Variants in ANKS1B observed in about 807,000 individuals in gnomAD.
ANKS1B encodes ankyrin repeat and sterile alpha motif domain containing 1B, also known as ankyrin repeat and sterile alpha motif domain-containing protein 1B.
Under a neutral mutation model 148.3 loss-of-function variants are expected in ANKS1B, and 36 were observed. The ratio of observed to expected loss-of-function variants is 0.24; its 90% CI spans 0.19 to 0.32. The LOEUF is 0.32. ANKS1B is among the 10% of genes least tolerant of loss of function. ANKS1B has a pLI of 1.00. For missense variants in ANKS1B, 1,157 were observed against 1,542.6 expected (o/e 0.75, Z 4.19); for synonymous variants, 542 against 560.8 (o/e 0.97, Z 0.47).
intron 9 of ANKS1B, among the ~76,000 whole-genome samples, chr12:99,571,153 G>C (rs1188395407): frequency 6.6e-6 from 1 of 151,928 alleles, no homozygotes; most frequent in Non-Finnish European, 1.5e-5. Flanking sequence ...ATTTTTAAAA[G>C]CTCAATTTTC....
intron 12 of ANKS1B, among the ~76,000 whole-genome samples, chr12:99,311,907 T>C (rs896811773): frequency 1.3e-5 from 2 of 152,088 alleles, no homozygotes; most frequent in Admixed American, 1.3e-4. Context: ...TCTTGACGGG[T>C]GCAAAATCTT....
chr12:99,761,763 C>A (rs1390573549), intron 8 of ANKS1B, among the ~76,000 whole-genome samples: 1 of 151,974 alleles, frequency 6.6e-6, no homozygotes, highest in African/African-American at 2.4e-5. Context: ...AACTATCTGT[C>A]TTCACTAATG....
intron 2 of ANKS1B, among the ~76,000 whole-genome samples, chr12:99,823,542 G>A (rs2153681357): frequency 6.6e-6 from 1 of 152,262 alleles, no homozygotes; most frequent in South Asian, 2.1e-4. Flanking sequence ...CTGGCCTCAA[G>A]CTATCCACCT....
chr12:99,099,954 C>G (rs908693157), intron 15 of ANKS1B: 3 of 152,152 alleles, frequency 2.0e-5, no homozygotes, highest in African/African-American at 7.2e-5. Flanking sequence ...GATTATGTAG[C>G]TGGCTGCGCT....
intron 15 of ANKS1B, among the ~76,000 whole-genome samples, chr12:99,098,770 AC>A (rs1260231945): frequency 7.2e-6 from 1 of 139,092 alleles, no homozygotes; most frequent in South Asian, 2.3e-4. Flanking sequence ...TCCCCCCCCC[AC>A]CCCCAGCTCT....
Position 99,134,667 on chromosome 12 carries a change from A to T in ANKS1B, c.2526+19622T>A, listed in dbSNP as rs895428321. Among the ~76,000 whole-genome samples, 380 of 148,488 alleles carry T rather than the reference A, an allele frequency of 2.6e-3. 3 individuals are homozygous for T. The highest frequency in any genetic ancestry group is 8.5e-3 in the African/African-American group (343 of 40,146). On this transcript the variant is annotated intron_variant, in intron 15 of 26. Coordinates refer to ENST00000683438, the MANE Select transcript of ANKS1B (RefSeq NM_001352186.2). The stretch of plus-strand genomic sequence containing the variant: ...CTCTCACACACACACACACACACAC[A>T]CACACACACACACACACACACACAC...
intron 10 of ANKS1B, among the ~76,000 whole-genome samples, chr12:99,479,422 T>C (rs1264215154): frequency 1.3e-5 from 2 of 152,030 alleles, no homozygotes; most frequent in Admixed American, 6.6e-5. Context: ...TTATCAACAT[T>C]AATAAAGCTT....
intron 17 of ANKS1B, among the ~76,000 whole-genome samples, chr12:98,913,619 T>C (rs980252577): frequency 1.3e-5 from 2 of 152,040 alleles, no homozygotes; most frequent in African/African-American, 4.8e-5. Flanking sequence ...AAACTGCCAA[T>C]TTCTTCATAT....
intron 14 of ANKS1B, among the ~76,000 whole-genome samples, chr12:99,234,569 C>T (rs1268801122): frequency 6.6e-6 from 1 of 152,154 alleles, no homozygotes; most frequent in Admixed American, 6.6e-5. Flanking sequence ...GTCTGCATCA[C>T]AATAGGACAA....
chr12:99,494,626 G>T (rs71462280), intron 10 of ANKS1B, among the ~76,000 whole-genome samples: 1 of 151,290 alleles, frequency 6.6e-6, no homozygotes, highest in Admixed American at 6.6e-5. Flanking sequence ...CCAGCTACTC[G>T]GGAGGCTGAG....
chr12:99,549,127 A>G (rs754304587), intron 9 of ANKS1B, among the ~76,000 whole-genome samples: 1 of 152,196 alleles, frequency 6.6e-6, no homozygotes. Flanking sequence ...GAAACTCTAG[A>G]TAGGTCATAC....
At chr12:99,784,486 T>A (rs1202279625) in intron 4 of ANKS1B, among the ~76,000 whole-genome samples, 1 of 152,042 alleles carries the variant, frequency 6.6e-6, no homozygotes, top group Non-Finnish European at 1.5e-5. Flanking sequence ...AACACTTTCA[T>A]AATCATTTCA....
chr12:99,377,804 A>G (rs1384764984), intron 12 of ANKS1B, among the ~76,000 whole-genome samples: 1 of 152,188 alleles, frequency 6.6e-6, no homozygotes, highest in Non-Finnish European at 1.5e-5. Context: ...AATATCTCCC[A>G]TCCCATACTT....
At chr12:99,461,068 A>ATATATATATATATATC (rs1567144684) in intron 10 of ANKS1B, among the ~76,000 whole-genome samples, 2 of 141,260 alleles carry the variant, frequency 1.4e-5, no homozygotes, top group Admixed American at 6.7e-5. Context: ...ATATATATAC[A>ATATATATATATATATC]CATACACACA....
intron 1 of ANKS1B, among the ~76,000 whole-genome samples, chr12:99,977,027 C>G (rs781084141): frequency 9.2e-5 from 14 of 152,184 alleles, no homozygotes; most frequent in Non-Finnish European, 2.1e-4. Context: ...TTGGGCTGAA[C>G]TCATTATTTT....
rs150632497 is a variant in ANKS1B at position 99,163,595 on chromosome 12, G to C, written c.2420-9200C>G. ...AGCACCATCATAAGAATCCCTCCTG[G>C]AACTTTTTTTTATGGCCATAGCCTT... On this transcript the variant is annotated intron_variant, in intron 14 of 26. Transcript: ENST00000683438. 4.7e-3 allele frequency among the ~76,000 whole-genome samples: 707 copies of C among 151,766 alleles called. 5 individuals carry two copies. The highest frequency in any genetic ancestry group is 0.017 in the African/African-American group (683 of 41,382).
chr12:99,069,720 G>A (rs1234966796), intron 16 of ANKS1B, among the ~76,000 whole-genome samples: 1 of 152,178 alleles, frequency 6.6e-6, no homozygotes, highest in Non-Finnish European at 1.5e-5. Context: ...TTTGATAAGG[G>A]CAGTAGTTAT....
Position 99,500,627 on chromosome 12 carries a change from G to A in ANKS1B, c.1438+3849C>T, listed in dbSNP as rs922018813. On this transcript the variant is annotated intron_variant, in intron 10 of 26. Coordinates refer to ENST00000683438, the MANE Select transcript of ANKS1B (RefSeq NM_001352186.2). The stretch of plus-strand genomic sequence containing the variant: ...TAATAACAATAGATAACTGATACAG[G>A]CATCATCTCCTTTATGTCTTCCTCA... Among the ~76,000 whole-genome samples, 5 of 152,090 alleles carry A rather than the reference G, an allele frequency of 3.3e-5. No individual in the cohort carries two copies. In the East Asian group the frequency reaches 9.7e-4, roughly 29 times the overall value.
intron 14 of ANKS1B, among the ~76,000 whole-genome samples, chr12:99,217,654 T>A (rs1022537684): frequency 9.2e-5 from 14 of 151,990 alleles, no homozygotes; most frequent in Non-Finnish European, 1.5e-4. Flanking sequence ...CTCTTTCAGT[T>A]TTTTTTTGGC....
Sources: gnomAD v4.1 joint callset for allele counts (sites outside exome capture counted in the v4.1 genomes callset) on GRCh38, gnomAD v4.1.1 for gene constraint, MANE v1.5 for transcripts, NCBI Gene and HGNC (gene_info 2026-07-23, HGNC 2026-07-21) for gene names.